Variants in VAMP7 observed in about 807,000 individuals in gnomAD.
The protein encoded by VAMP7 is vesicle associated membrane protein 7.
VAMP7 carries 14 observed loss-of-function variants against 29.6 expected under a neutral mutation model. The ratio of observed to expected loss-of-function variants is 0.47; its 90% CI spans 0.31 to 0.74. VAMP7 has a LOEUF of 0.74. Ranked by LOEUF, VAMP7 falls within the 30% of genes least tolerant of loss-of-function variation. The pLI is 0.05. For missense variants in VAMP7, 223 were observed against 262.4 expected, an observed-to-expected ratio of 0.85 and a Z score of 1.04; for synonymous variants, 95 against 88.1, an observed-to-expected ratio of 1.08 and a Z score of -0.44.
chrX:155,936,668 C>G (rs1364092266), intron 6 of VAMP7, among the ~76,000 whole-genome samples: 1 of 152,168 alleles, frequency 6.6e-6, no homozygotes, highest in African/African-American at 2.4e-5. Flanking sequence ...ATGTCTCGCC[C>G]TGCTTCGGCT....
intron 3 of VAMP7, among the ~76,000 whole-genome samples, chrX:155,896,139 G>A (rs2065984743): frequency 6.6e-6 from 1 of 152,152 alleles, no homozygotes; most frequent in African/African-American, 2.4e-5. Context: ...AGCTGGAATT[G>A]TTAATATTTT....
chrX:155,936,189 A>C (rs1417936137), intron 6 of VAMP7, among the ~76,000 whole-genome samples: 1 of 152,072 alleles, frequency 6.6e-6, no homozygotes, highest in Admixed American at 6.5e-5. Flanking sequence ...TCAGATCTCA[A>C]ACTCTGTCCT....
At chrX:155,925,545 G>C (rs1329455087) in intron 6 of VAMP7, among the ~76,000 whole-genome samples, 1 of 152,210 alleles carries the variant, frequency 6.6e-6, no homozygotes, top group African/African-American at 2.4e-5. Flanking sequence ...TCAAAGCCCA[G>C]TTTGGTTTTA....
chrX:155,924,289 T>A (rs1336354443), intron 6 of VAMP7, among the ~76,000 whole-genome samples: 5 of 152,174 alleles, frequency 3.3e-5, no homozygotes, highest in Non-Finnish European at 7.4e-5. Context: ...TGGTAAAATA[T>A]GTATAGCATA....
chrX:155,893,841 G>T (rs1318490852), intron 2 of VAMP7, among the ~76,000 whole-genome samples: 1 of 152,236 alleles, frequency 6.6e-6, no homozygotes. Flanking sequence ...AGGCAAGCCT[G>T]ATGTCAAGAA....
intron 5 of VAMP7, among the ~76,000 whole-genome samples, chrX:155,906,014 T>G (rs1276456288): frequency 6.8e-6 from 1 of 147,740 alleles, no homozygotes; most frequent in African/African-American, 2.5e-5. Flanking sequence ...TTCTGATCCA[T>G]GAACATGGGC....
At chrX:155,926,704 C>T (rs1028015071) in intron 6 of VAMP7, among the ~76,000 whole-genome samples, 1 of 152,192 alleles carries the variant, frequency 6.6e-6, no homozygotes, top group Non-Finnish European at 1.5e-5. Context: ...AACTGTTTGT[C>T]ACAGGACACC....
chrX:155,929,542 G>T lies in VAMP7; in HGVS notation c.501+9662G>T, dbSNP rs2066517991. On this transcript the variant is annotated intron_variant, in intron 6 of 7. Transcript: ENST00000286448. ...TTATATACCTCACATAGCTCAGGCT[G>T]CTCTGAGCTGTTTTTCTTTTCTCAT... Among the ~76,000 whole-genome samples the T allele has an allele frequency of 2.6e-5, 4 of 152,170 alleles. No individual in the cohort carries two copies. The South Asian group carries it at 8.3e-4, about 32-fold the overall frequency.
At chrX:155,907,765 G>A (rs2066168030) in intron 5 of VAMP7, among the ~76,000 whole-genome samples, 1 of 152,098 alleles carries the variant, frequency 6.6e-6, no homozygotes, top group African/African-American at 2.4e-5. Flanking sequence ...TGTCATCATG[G>A]CCCGTTCTCA....
At chrX:155,900,200 C>T (rs1569437312) in intron 4 of VAMP7, among the ~76,000 whole-genome samples, 2 of 151,848 alleles carry the variant, frequency 1.3e-5, no homozygotes, top group Non-Finnish European at 1.5e-5. Context: ...ATATATCCCC[C>T]CCAATCTCTG....
chrX:155,884,352 C>T (rs1182962005), intron 1 of VAMP7, among the ~76,000 whole-genome samples: 1 of 152,036 alleles, frequency 6.6e-6, no homozygotes, highest in Non-Finnish European at 1.5e-5. Flanking sequence ...GTCTCGAACT[C>T]CTGACCTTGG....
At chrX:155,936,852 A>G (rs1267527104) in intron 6 of VAMP7, among the ~76,000 whole-genome samples, 3 of 152,200 alleles carry the variant, frequency 2.0e-5, no homozygotes, top group Non-Finnish European at 4.4e-5. Context: ...TTTTTTAAAA[A>G]TCCCATTTAT....
intron 2 of VAMP7, among the ~76,000 whole-genome samples, chrX:155,890,154 T>C (rs2065910451): frequency 6.6e-6 from 1 of 151,884 alleles, no homozygotes; most frequent in Non-Finnish European, 1.5e-5. Context: ...CATGAGATCA[T>C]AGGGCGGGCA....
At position 155,902,322 on chromosome X, in the gene VAMP7, A is replaced by C. The variant is rs1388379256; in HGVS notation, c.433+1735A>C. ...AATCATGTCATCTGCAAATAGGGACAATTTGACTTCCTCTTTTCCTAATTG... is the reference window on the plus strand; with the variant it reads ...AATCATGTCATCTGCAAATAGGGACCATTTGACTTCCTCTTTTCCTAATTG... On this transcript the variant is annotated intron_variant, in intron 5 of 7. Transcript: ENST00000286448. 4.6e-5 allele frequency among the ~76,000 whole-genome samples: 7 copies of C among 151,852 alleles called. No homozygotes were observed. The South Asian group carries it at 1.5e-3, about 32-fold the overall frequency.
chrX:155,887,706 A>G (rs2065880646), intron 1 of VAMP7, among the ~76,000 whole-genome samples: 1 of 152,114 alleles, frequency 6.6e-6, no homozygotes, highest in Admixed American at 6.6e-5. Flanking sequence ...AGGCAGGTGG[A>G]TCACTTGAGC....
At chrX:155,892,792 G>A (rs1280256987) in intron 2 of VAMP7, among the ~76,000 whole-genome samples, 1 of 151,484 alleles carries the variant, frequency 6.6e-6, no homozygotes, top group South Asian at 2.1e-4. Flanking sequence ...CGCTTTTGTT[G>A]CCCAGGCTGG....
chrX:155,935,275 G>A (rs1260483216), intron 6 of VAMP7, among the ~76,000 whole-genome samples: 2 of 152,044 alleles, frequency 1.3e-5, no homozygotes, highest in African/African-American at 4.8e-5. Flanking sequence ...AGTTCTCCTG[G>A]CTAATATCCT....
At chrX:155,891,415 TAC>T (rs1212499188) in intron 2 of VAMP7, among the ~76,000 whole-genome samples, 22 of 152,150 alleles carry the variant, frequency 1.4e-4, no homozygotes, top group African/African-American at 5.3e-4. Flanking sequence ...GTCTAGGTGG[TAC>T]ACAGTCCTAT....
chrX:155,912,866 G>A (rs1358425507), intron 5 of VAMP7, among the ~76,000 whole-genome samples: 1 of 152,104 alleles, frequency 6.6e-6, no homozygotes, highest in Non-Finnish European at 1.5e-5. Context: ...AATCCTTTGG[G>A]TATATACCCA....
Sources: allele counts gnomAD v4.1 joint callset (sites outside exome capture counted in the v4.1 genomes callset), GRCh38; gene constraint gnomAD v4.1.1; transcripts MANE v1.5; gene names NCBI Gene and HGNC (gene_info 2026-07-23, HGNC 2026-07-21).